Variants in TSR1 observed in about 807,000 individuals in gnomAD.
The protein encoded by TSR1 is TSR1 ribosome maturation factor.
TSR1 carries 81 observed loss-of-function variants against 90.9 expected under a neutral mutation model. The observed-to-expected ratio is 0.89, with a 90% CI of 0.74 to 1.07. The LOEUF is 1.07. Ranked by LOEUF, TSR1 falls within the 50% of genes least tolerant of loss-of-function variation. The probability of loss-of-function intolerance (pLI) is 0.00; values close to 1 mark genes in which losing one functional copy is unlikely to be tolerated. For synonymous variants in TSR1, 362 were observed against 348.8 expected, an observed-to-expected ratio of 1.04 and a Z score of -0.42; for missense variants, 989 against 987.3, an observed-to-expected ratio of 1.00 and a Z score of -0.02.
In TSR1 at chr17:2,333,733, G is replaced by A. The variant is rs1169756775; in HGVS notation, c.982-17C>T. 1.9e-6 allele frequency: 3 copies of A among 1,613,462 alleles called. No homozygotes were observed. Among genetic ancestry groups the A allele is most frequent in the South Asian group, 1.1e-5 (1 of 91,072 alleles). On this transcript the variant is annotated splice_polypyrimidine_tract_variant and intron_variant, in intron 5 of 14. Coordinates refer to ENST00000301364, the MANE Select transcript of TSR1 (RefSeq NM_018128.5). ...AGCACAAATCTGAAAACCAAAAGCA[G>A]GTGATAGTCAACCATGAACCAAAAA... is the stretch of plus-strand genomic sequence containing the variant.
At chr17:2,324,903 A>C in intron 12 of TSR1, 74 bp from the exon 13 acceptor site, 1 of 1,516,692 alleles carries the variant, frequency 6.6e-7, no homozygotes, top group Non-Finnish European at 8.8e-7. Flanking sequence ...AGTCCATTTA[A>C]AGACCCATGC....
At position 2,324,970 on chromosome 17, in the gene TSR1, T is replaced by C. The variant is rs1490763013; in HGVS notation, c.2021-141A>G. 34 of 921,374 alleles carry C rather than the reference T, an allele frequency of 3.7e-5. No homozygotes were observed. The East Asian group carries it at 7.4e-4, about 20-fold the overall frequency. The allele number at this position is 921,374 out of a possible 1,614,324, so 57.1% of individuals were successfully genotyped here. ...CAATCTGAGGCTAAGATTGGTAAAC[T>C]GTAAGCCCACACTTAACCTTGTCAA... On this transcript the variant is annotated intron_variant, in intron 12 of 14. Coordinates refer to ENST00000301364, the MANE Select transcript of TSR1 (RefSeq NM_018128.5).
rs762336432 is a variant in TSR1, at chr17:2,333,717, C to G, written c.982-1G>C. The G allele has an allele frequency of 1.1e-5, 17 of 1,613,846 alleles. No individual in the cohort carries two copies. The highest frequency in any genetic ancestry group is 3.3e-5 in the Admixed American group (2 of 59,986). ...CATCTACAGCATCCGTAGCACAAAT[C>G]TGAAAACCAAAAGCAGGTGATAGTC... On this transcript the variant is annotated splice_acceptor_variant, in intron 5 of 14. Coordinates refer to ENST00000301364, the MANE Select transcript of TSR1 (RefSeq NM_018128.5). LOFTEE classifies it high-confidence loss of function.
In TSR1 at chr17:2,324,174, A is replaced by G; in HGVS notation, c.*22T>C. On this transcript the variant is annotated 3_prime_UTR_variant, in exon 15 of 15. Transcript: ENST00000301364. ...CCTGGAGTACTGACTGGCACCGGTA[A>G]GACAGAATCTCTTTGAATCCATTAC... 6.6e-7 allele frequency: 1 copy of G among 1,513,986 alleles called. No homozygotes were observed. Among genetic ancestry groups the G allele is most frequent in the African/African-American group, 1.4e-5 (1 of 71,760 alleles). 93.8% of individuals were successfully genotyped at this position (1,513,986 alleles called of 1,614,324 possible). A position where few individuals can be genotyped will look rare whatever the true frequency, so the allele number is the denominator to read the frequency against.
At chr17:2,331,603 G>A (rs564999351) in intron 8 of TSR1, among the ~76,000 whole-genome samples, 3 of 152,128 alleles carry the variant, frequency 2.0e-5, no homozygotes, top group Non-Finnish European at 4.4e-5. Flanking sequence ...TAAGTTTCTT[G>A]AGGACACCCC....
intron 12 of TSR1, 35 bp from the exon 13 acceptor site, chr17:2,324,864 T>A (rs759516222): frequency 1.3e-6 from 2 of 1,589,128 alleles, no homozygotes; most frequent in Non-Finnish European, 1.7e-6. Flanking sequence ...ATTTAGGAAT[T>A]TACAGGCCAA....
At position 2,325,983 on chromosome 17, in the gene TSR1, ATGG is replaced by A. The variant is rs2075574218; in HGVS notation, c.1904-566_1904-564del. 3.3e-5 allele frequency among the ~76,000 whole-genome samples: 5 copies of A among 152,178 alleles called. No homozygotes were observed. In the South Asian group the frequency reaches 1.0e-3, roughly 32 times the overall value. The stretch of plus-strand genomic sequence containing the variant: ...CTCTTGTTGCCCAGGCTGGAGTACA[ATGG>A]TGCCATCTCTGCTCACTGCAACCTC... On this transcript the variant is annotated intron_variant, in intron 11 of 14. Transcript: ENST00000301364.
Position 2,324,187 on chromosome 17 carries a change from T to C in TSR1, c.*9A>G, listed in dbSNP as rs367780481. The C allele has an allele frequency of 6.6e-7, 1 of 1,516,480 alleles. No homozygotes were observed. Among genetic ancestry groups the C allele is most frequent in the Non-Finnish European group, 8.8e-7 (1 of 1,137,014 alleles). 93.9% of individuals were successfully genotyped at this position (1,516,480 alleles called of 1,614,324 possible). A position where few individuals can be genotyped will look rare whatever the true frequency, so the allele number is the denominator to read the frequency against. On this transcript the variant is annotated 3_prime_UTR_variant, in exon 15 of 15. Coordinates refer to ENST00000301364, the MANE Select transcript of TSR1 (RefSeq NM_018128.5). ...CTGGCACCGGTAAGACAGAATCTCT[T>C]TGAATCCATTACTCCATGCCCCCTT...
Position 2,324,183 on chromosome 17 carries a change from C to A in TSR1, c.*13G>T. 1 of 1,514,956 alleles carries A rather than the reference C, an allele frequency of 6.6e-7. No individual in the cohort carries two copies. The highest frequency in any genetic ancestry group is 8.8e-7 in the Non-Finnish European group (1 of 1,136,272). The allele number at this position is 1,514,956 out of a possible 1,614,324, so 93.8% of individuals were successfully genotyped here. A position where few individuals can be genotyped will look rare whatever the true frequency, so the allele number is the denominator to read the frequency against. ...CTGACTGGCACCGGTAAGACAGAAT[C>A]TCTTTGAATCCATTACTCCATGCCC... On this transcript the variant is annotated 3_prime_UTR_variant, in exon 15 of 15. Transcript: ENST00000301364.
chr17:2,324,244 C>T lies in TSR1; in HGVS notation c.2367G>A (p.Trp789Ter), dbSNP rs777808627. 5.2e-6 allele frequency: 8 copies of T among 1,531,924 alleles called. No homozygotes were observed. Among genetic ancestry groups the T allele is most frequent in the Non-Finnish European group, 7.0e-6 (8 of 1,146,026 alleles). 94.9% of individuals were successfully genotyped at this position (1,531,924 alleles called of 1,614,324 possible). A position where few individuals can be genotyped will look rare whatever the true frequency, so the allele number is the denominator to read the frequency against. ...YDPYVPEPVP[W>*]LKSEISSTVP... ...CTGTTGAAGAAATCTCACTTTTCAGCCAGGGTACTGGTTCTGGTACATATG... is the reference window on the plus strand; with the variant it reads ...CTGTTGAAGAAATCTCACTTTTCAGTCAGGGTACTGGTTCTGGTACATATG... Residue 789 changes from tryptophan (W) to a stop codon, truncating the protein, a stop_gained, in exon 15 of 15, where the codon TGG (tryptophan) becomes TGA (stop). Transcript: ENST00000301364. LOFTEE classifies it high-confidence loss of function.
chr17:2,328,146 G>T (rs1260327134), intron 11 of TSR1, among the ~76,000 whole-genome samples: 1 of 150,780 alleles, frequency 6.6e-6, no homozygotes, highest in Non-Finnish European at 1.5e-5. Context: ...GGGAAGCTGA[G>T]GCAGGAAAAC....
Position 2,331,030 on chromosome 17 carries a change from G to T in TSR1, c.1576C>A (p.Arg526=), listed in dbSNP as rs375672201. The T allele has an allele frequency of 3.1e-6, 5 of 1,612,386 alleles. No homozygotes were observed. The highest frequency in any genetic ancestry group is 3.4e-5 in the Admixed American group (2 of 59,544). The change falls in exon 9 of 15, where the codon CGA becomes AGA. Residue 526 remains arginine, a synonymous_variant. Transcript: ENST00000301364. The part of the protein sequence containing the change: ...PKENLPQDYA[R]IFQFQNFTNT... Reference sequence around the variant, plus strand: ...GTAAAGTTCTGAAACTGAAATATTCGAGCATAATCTTGAGGAAGGTTTTCC... The same window carrying T: ...GTAAAGTTCTGAAACTGAAATATTCTAGCATAATCTTGAGGAAGGTTTTCC...
chr17:2,323,921 GAC>G lies in TSR1; in HGVS notation c.*273_*274del, dbSNP rs1259657773. On this transcript the variant is annotated 3_prime_UTR_variant, in exon 15 of 15. Transcript: ENST00000301364. The stretch of plus-strand genomic sequence containing the variant: ...GAATTCAGTGTCTTTAGATACTGAA[GAC>G]ATTTTGTTTCCTAGTATTGTCAACT... 1 of 1,516,688 alleles carries G rather than the reference GAC, an allele frequency of 6.6e-7. No individual in the cohort carries two copies. The highest frequency in any genetic ancestry group is 9.1e-7 in the Non-Finnish European group (1 of 1,098,112). The allele number at this position is 1,516,688 out of a possible 1,614,324, so 94.0% of individuals were successfully genotyped here.
rs748097779 is a variant in TSR1, at chr17:2,323,908, T to G, written c.*288A>C. ...AAGGAAATGGTGGGAATTCAGTGTCTTTAGATACTGAAGACATTTTGTTTC... is the reference window on the plus strand; with the variant it reads ...AAGGAAATGGTGGGAATTCAGTGTCGTTAGATACTGAAGACATTTTGTTTC... On this transcript the variant is annotated 3_prime_UTR_variant, in exon 15 of 15. Transcript: ENST00000301364. 1 of 1,571,750 alleles carries G rather than the reference T, an allele frequency of 6.4e-7. No homozygotes were observed. The highest frequency in any genetic ancestry group is 8.7e-7 in the Non-Finnish European group (1 of 1,144,386).
At chr17:2,324,872 CAA>C (rs778835819) in intron 12 of TSR1, 43 bp from the exon 13 acceptor site, 5 of 1,578,334 alleles carry the variant, frequency 3.2e-6, no homozygotes, top group Non-Finnish European at 4.3e-6. Context: ...ATTTACAGGC[CAA>C]AGTCTTCATT....
chr17:2,335,414 TAAG>T lies in TSR1; in HGVS notation c.422-23_422-21del. The stretch of plus-strand genomic sequence containing the variant: ...GATCCCCTGCAGATAGAAGACACAG[TAAG>T]AAGAGGTGGTTGGCACCAGCACATT... On this transcript the variant is annotated intron_variant, in intron 3 of 14. Transcript: ENST00000301364. The T allele has an allele frequency of 6.3e-7, 1 of 1,596,516 alleles. No individual in the cohort carries two copies. Among genetic ancestry groups the T allele is most frequent in the Non-Finnish European group, 8.5e-7 (1 of 1,174,480 alleles).
chr17:2,335,914 G>C, intron 2 of TSR1, 123 bp downstream of exon 2: 3 of 1,247,590 alleles, frequency 2.4e-6, no homozygotes, highest in Admixed American at 2.1e-5. Flanking sequence ...CTGCACGCTC[G>C]ACACGTGCTC....
chr17:2,333,301 C>G, intron 6 of TSR1, 177 bp from the exon 7 acceptor site: 1 of 871,142 alleles, frequency 1.1e-6, no homozygotes, highest in Non-Finnish European at 1.9e-6. Context: ...AATACTTACA[C>G]AGCTAAATAA....
At position 2,332,891 on chromosome 17, in the gene TSR1, A is replaced by G. The variant is rs2064017085; in HGVS notation, c.1305+70T>C. On this transcript the variant is annotated intron_variant, in intron 7 of 14. Coordinates refer to ENST00000301364, the MANE Select transcript of TSR1 (RefSeq NM_018128.5). ...AGAAACTAACCACACACACCCATCA[A>G]GATCACACCTGCACTTTGCCTTACA... The G allele has an allele frequency of 6.1e-6, 9 of 1,471,030 alleles. No homozygotes were observed. In the South Asian group the frequency reaches 1.0e-4, roughly 17 times the overall value. 91.1% of individuals were successfully genotyped at this position (1,471,030 alleles called of 1,614,324 possible).
Sources: gnomAD v4.1 joint callset for allele counts (sites outside exome capture counted in the v4.1 genomes callset) on GRCh38, gnomAD v4.1.1 for gene constraint, MANE v1.5 for transcripts, NCBI Gene and HGNC (gene_info 2026-07-23, HGNC 2026-07-21) for gene names.